MPZL1: variants seen among roughly 807,000 people sequenced by gnomAD.
MPZL1 encodes myelin protein zero-like protein 1.
MPZL1 carries 16 observed loss-of-function variants against 29.3 expected under a neutral mutation model. The observed-to-expected ratio is 0.55, with a 90% CI of 0.37 to 0.83. MPZL1 has a LOEUF of 0.83. Among genes scored for constraint, MPZL1 ranks in the 40% least tolerant of loss-of-function variants. MPZL1 has a pLI of 0.00. For synonymous variants in MPZL1, 143 were observed against 132.0 expected (o/e 1.08, Z -0.57); for missense variants, 279 against 332.9 (o/e 0.84, Z 1.26).
chr1:167,728,731 A>T (rs1451855517), intron 1 of MPZL1, among the ~76,000 whole-genome samples: 1 of 152,188 alleles, frequency 6.6e-6, no homozygotes, highest in African/African-American at 2.4e-5. Flanking sequence ...AGCAACAGTG[A>T]TACACTGAAT....
intron 1 of MPZL1, among the ~76,000 whole-genome samples, chr1:167,754,615 A>G (rs1341488215): frequency 1.3e-5 from 2 of 152,248 alleles, no homozygotes; most frequent in Non-Finnish European, 2.9e-5. Flanking sequence ...AATGTATTTT[A>G]CAAGTGAACA....
In MPZL1 at chr1:167,744,366, GTC is replaced by G. The variant is rs201979126; in HGVS notation, c.92-21216_92-21215del. ...GATGTGTAAAACAATTAGGAAGCATGTCCAGAGTCTAAGTGTTCTTTAAAAAC... is the reference window on the plus strand; with the variant it reads ...GATGTGTAAAACAATTAGGAAGCATGCAGAGTCTAAGTGTTCTTTAAAAAC... On this transcript the variant is annotated intron_variant, in intron 1 of 5. Coordinates refer to ENST00000359523, the MANE Select transcript of MPZL1 (RefSeq NM_003953.6). 3.4e-4 allele frequency among the ~76,000 whole-genome samples: 52 copies of G among 152,050 alleles called. No homozygotes were observed. The East Asian group carries it at 7.2e-3, about 21-fold the overall frequency.
Position 167,791,709 on chromosome 1 carries a change from T to C in MPZL1, c.*3788T>C, listed in dbSNP as rs1424910668. ...GTACCAAACTGCTTCCTTACTCAAA[T>C]AAATGTGCTGAAATGCAGTTGCAGT... On this transcript the variant is annotated 3_prime_UTR_variant, in exon 6 of 6. Transcript: ENST00000359523. 6.6e-6 allele frequency: 1 copy of C among 152,106 alleles called. No homozygotes were observed. Among genetic ancestry groups the C allele is most frequent in the East Asian group, 1.9e-4 (1 of 5,186 alleles). 9.4% of individuals were successfully genotyped at this position (152,106 alleles called of 1,614,324 possible). A position where few individuals can be genotyped will look rare whatever the true frequency, so the allele number is the denominator to read the frequency against.
intron 1 of MPZL1, among the ~76,000 whole-genome samples, chr1:167,755,311 A>T (rs1034021641): frequency 6.6e-6 from 1 of 152,006 alleles, no homozygotes; most frequent in African/African-American, 2.4e-5. Flanking sequence ...TTCTGGTTTC[A>T]GTTAAATTTT....
intron 1 of MPZL1, among the ~76,000 whole-genome samples, chr1:167,740,619 A>G (rs1558111232): frequency 6.6e-6 from 1 of 151,878 alleles, no homozygotes; most frequent in Non-Finnish European, 1.5e-5. Flanking sequence ...ATCTTCCTCT[A>G]CATTATTTTC....
At chr1:167,768,633 T>G (rs2101785859) in intron 2 of MPZL1, among the ~76,000 whole-genome samples, 1 of 152,342 alleles carries the variant, frequency 6.6e-6, no homozygotes, top group African/African-American at 2.4e-5. Context: ...TATTTCCATC[T>G]CTCACTGGTT....
Position 167,790,712 on chromosome 1 carries a change from G to GT in MPZL1, c.*2796dup, listed in dbSNP as rs1393946829. ...AGATTGAAATTTCAAACTATCTCTAGTTTTTCAATGGAAATATATCAGCTA... is the reference window on the plus strand; with the variant it reads ...AGATTGAAATTTCAAACTATCTCTAGTTTTTTCAATGGAAATATATCAGCTA... On this transcript the variant is annotated 3_prime_UTR_variant, in exon 6 of 6. Coordinates refer to ENST00000359523, the MANE Select transcript of MPZL1 (RefSeq NM_003953.6). 1 of 152,136 alleles carries GT rather than the reference G, an allele frequency of 6.6e-6. No homozygotes were observed. The highest frequency in any genetic ancestry group is 2.4e-5 in the African/African-American group (1 of 41,438). 9.4% of individuals were successfully genotyped at this position (152,136 alleles called of 1,614,324 possible).
chr1:167,776,204 C>G (rs560160551), intron 5 of MPZL1, 38 bp downstream of exon 5: 2 of 1,482,826 alleles, frequency 1.3e-6, no homozygotes, highest in Non-Finnish European at 9.4e-7. Flanking sequence ...TGCACTGTTC[C>G]CTACAGCTTG....
At chr1:167,767,319 C>G (rs934512709) in intron 2 of MPZL1, among the ~76,000 whole-genome samples, 2 of 152,168 alleles carry the variant, frequency 1.3e-5, no homozygotes, top group East Asian at 3.9e-4. Flanking sequence ...CAAGAGAGTC[C>G]AAAGAACTAT....
chr1:167,722,467 G>C (rs1211132767), intron 1 of MPZL1, among the ~76,000 whole-genome samples: 1 of 152,218 alleles, frequency 6.6e-6, no homozygotes, highest in Non-Finnish European at 1.5e-5. Flanking sequence ...CCTGGATCCT[G>C]GAGTGCGGAG....
rs1240756666 is a variant in MPZL1, at chr1:167,785,406, A to G, written c.709-2414A>G. On this transcript the variant is annotated intron_variant, in intron 5 of 5. Coordinates refer to ENST00000359523, the MANE Select transcript of MPZL1 (RefSeq NM_003953.6). ...CAAGATCAGTGAGAGTGGAAGTGGC[A>G]AGGTCTGTTGAGGTCTGGGTGTGGA... is the stretch of plus-strand genomic sequence containing the variant. Among the ~76,000 whole-genome samples the G allele has an allele frequency of 2.0e-5, 3 of 152,204 alleles. No homozygotes were observed. In the East Asian group the frequency reaches 5.8e-4, roughly 29 times the overall value.
intron 2 of MPZL1, among the ~76,000 whole-genome samples, chr1:167,767,538 T>C (rs1234275553): frequency 6.6e-6 from 1 of 152,248 alleles, no homozygotes; most frequent in South Asian, 2.1e-4. Context: ...AATTTATACT[T>C]ACACACGAGT....
chr1:167,743,567 C>G (rs916120796), intron 1 of MPZL1, among the ~76,000 whole-genome samples: 3 of 151,976 alleles, frequency 2.0e-5, no homozygotes, highest in Non-Finnish European at 2.9e-5. Context: ...TTTATGTCAT[C>G]TGTGATTTCT....
In MPZL1 at chr1:167,722,287, C is replaced by T. The variant is rs551717540; in HGVS notation, c.91+45C>T. ...GGGCTGGGGCCGGGGAGTGGGGCCCCCGGGCCCGACACACGCCCATCGCGG... is the reference window on the plus strand; with the variant it reads ...GGGCTGGGGCCGGGGAGTGGGGCCCTCGGGCCCGACACACGCCCATCGCGG... On this transcript the variant is annotated intron_variant, in intron 1 of 5. Coordinates refer to ENST00000359523, the MANE Select transcript of MPZL1 (RefSeq NM_003953.6). 2.8e-5 allele frequency: 35 copies of T among 1,233,542 alleles called. No homozygotes were observed. In the African/African-American group the frequency reaches 5.1e-4, roughly 18 times the overall value. The allele number at this position is 1,233,542 out of a possible 1,614,324, so 76.4% of individuals were successfully genotyped here. A position where few individuals can be genotyped will look rare whatever the true frequency, so the allele number is the denominator to read the frequency against.
chr1:167,722,179 G>T lies in MPZL1; in HGVS notation c.28G>T (p.Val10Leu). The change falls in exon 1 of 6, where the codon GTG becomes TTG. Residue 10 changes from valine to leucine, a missense_variant. Coordinates refer to ENST00000359523, the MANE Select transcript of MPZL1 (RefSeq NM_003953.6). MAASAGAGA[V>L]IAAPDSRRWL... Reference sequence around the variant, plus strand: ...GGCAGCGTCCGCCGGAGCCGGGGCGGTGATTGCAGCCCCAGACAGCCGGCG... The same window carrying T: ...GGCAGCGTCCGCCGGAGCCGGGGCGTTGATTGCAGCCCCAGACAGCCGGCG... 2 of 1,238,092 alleles carry T rather than the reference G, an allele frequency of 1.6e-6. No individual in the cohort carries two copies. The highest frequency in any genetic ancestry group is 2.0e-6 in the Non-Finnish European group (2 of 988,544). 76.7% of individuals were successfully genotyped at this position (1,238,092 alleles called of 1,614,324 possible). A position where few individuals can be genotyped will look rare whatever the true frequency, so the allele number is the denominator to read the frequency against.
At chr1:167,734,594 GT>G (rs982115130) in intron 1 of MPZL1, among the ~76,000 whole-genome samples, 3 of 152,084 alleles carry the variant, frequency 2.0e-5, no homozygotes, top group Non-Finnish European at 2.9e-5. Context: ...AAATCAAATA[GT>G]TTTTTTAGAG....
At chr1:167,755,523 G>A (rs1660851830) in intron 1 of MPZL1, among the ~76,000 whole-genome samples, 1 of 152,140 alleles carries the variant, frequency 6.6e-6, no homozygotes, top group African/African-American at 2.4e-5. Flanking sequence ...TTTATGTTAA[G>A]CATTTTAGTC....
intron 2 of MPZL1, among the ~76,000 whole-genome samples, chr1:167,768,707 G>A (rs1661173093): frequency 6.6e-6 from 1 of 152,218 alleles, no homozygotes; most frequent in Non-Finnish European, 1.5e-5. Context: ...TGTCCAAAGT[G>A]CTAAGGAGTA....
intron 5 of MPZL1, among the ~76,000 whole-genome samples, chr1:167,783,297 A>G (rs1309039315): frequency 6.6e-6 from 1 of 152,176 alleles, no homozygotes; most frequent in Non-Finnish European, 1.5e-5. Flanking sequence ...GGCACTACCT[A>G]GAGTTTAGAG....
Sources: gnomAD v4.1 joint callset for allele counts (sites outside exome capture counted in the v4.1 genomes callset) on GRCh38, gnomAD v4.1.1 for gene constraint, MANE v1.5 for transcripts, NCBI Gene and HGNC (gene_info 2026-07-23, HGNC 2026-07-21) for gene names.